Variants in SLC2A13 observed in about 807,000 individuals in gnomAD.
SLC2A13 encodes the protein solute carrier family 2 member 13, also known as proton myo-inositol cotransporter.
A neutral mutation model predicts 64.4 loss-of-function variants in SLC2A13; 32 were observed. The observed-to-expected ratio is 0.50, with a 90% CI of 0.37 to 0.67. The LOEUF (loss-of-function observed/expected upper bound fraction) is 0.67. SLC2A13 is among the 30% of genes least tolerant of loss of function. The pLI is 0.00. For missense variants in SLC2A13, 743 were observed against 829.2 expected (o/e 0.90, Z 1.28); for synonymous variants, 338 against 327.1 (o/e 1.03, Z -0.36).
At chr12:39,850,012 A>G (rs1236068901) in intron 6 of SLC2A13, among the ~76,000 whole-genome samples, 1 of 152,050 alleles carries the variant, frequency 6.6e-6, no homozygotes, top group Non-Finnish European at 1.5e-5. Context: ...ATTTTTCTTG[A>G]AAAGGCAACT....
At chr12:39,968,608 C>T (rs1041654907) in intron 3 of SLC2A13, among the ~76,000 whole-genome samples, 1 of 151,914 alleles carries the variant, frequency 6.6e-6, no homozygotes, top group African/African-American at 2.4e-5. Context: ...CCTTCCTTGC[C>T]TGCCAATCAA....
intron 4 of SLC2A13, among the ~76,000 whole-genome samples, chr12:39,916,933 C>T (rs1475391904): frequency 1.3e-5 from 2 of 152,058 alleles, no homozygotes; most frequent in Non-Finnish European, 2.9e-5. Context: ...AGCTTCAGTC[C>T]TTCTCTACCT....
chr12:40,088,074 T>C (rs909356871), intron 1 of SLC2A13, among the ~76,000 whole-genome samples: 7 of 152,188 alleles, frequency 4.6e-5, no homozygotes, highest in Non-Finnish European at 2.9e-5. Context: ...CAGTTTGTCT[T>C]ATGATTCTGT....
intron 4 of SLC2A13, among the ~76,000 whole-genome samples, chr12:39,905,825 A>AAAAG (rs1434279260): frequency 6.6e-6 from 1 of 151,484 alleles, no homozygotes; most frequent in Non-Finnish European, 1.5e-5. Flanking sequence ...ATGCCCAGAA[A>AAAAG]AAAAAAAAAA....
chr12:39,767,983 A>C lies in SLC2A13; in HGVS notation c.1446-3125T>G, dbSNP rs111396601. On this transcript the variant is annotated intron_variant, in intron 7 of 9. Transcript: ENST00000280871. ...TTTCCTTTATAAACTACCCAGTCTCAGGCAGTTATTTATAGCAGTGTGAGA... is the reference window on the plus strand; with the variant it reads ...TTTCCTTTATAAACTACCCAGTCTCCGGCAGTTATTTATAGCAGTGTGAGA... 5.2e-3 allele frequency among the ~76,000 whole-genome samples: 784 copies of C among 152,198 alleles called. 5 individuals carry two copies. Among genetic ancestry groups the C allele is most frequent in the African/African-American group, 0.017 (719 of 41,544 alleles).
At chr12:39,822,809 G>T (rs1203260927) in intron 7 of SLC2A13, among the ~76,000 whole-genome samples, 1 of 152,154 alleles carries the variant, frequency 6.6e-6, no homozygotes, top group African/African-American at 2.4e-5. Context: ...GAAAATGAAA[G>T]GTAGTTAAAT....
At chr12:39,786,794 C>T (rs1387079249) in intron 7 of SLC2A13, among the ~76,000 whole-genome samples, 1 of 152,170 alleles carries the variant, frequency 6.6e-6, no homozygotes, top group Non-Finnish European at 1.5e-5. Context: ...TTTAAATCCC[C>T]TCTCTCCTGT....
chr12:39,998,789 T>C (rs1229471450), intron 3 of SLC2A13, among the ~76,000 whole-genome samples: 2 of 152,126 alleles, frequency 1.3e-5, no homozygotes, highest in Admixed American at 6.5e-5. Flanking sequence ...CATGATTGGT[T>C]GTGAAATGTG....
At chr12:39,772,857 A>AT (rs1470530265) in intron 7 of SLC2A13, among the ~76,000 whole-genome samples, 1 of 99,658 alleles carries the variant, frequency 1.0e-5, no homozygotes, top group East Asian at 2.5e-4. Flanking sequence ...TGCAAAAAAA[A>AT]GGCCAAGTAG....
intron 4 of SLC2A13, among the ~76,000 whole-genome samples, chr12:39,944,374 A>G (rs1019772504): frequency 7.2e-5 from 11 of 152,236 alleles, no homozygotes; most frequent in Non-Finnish European, 1.6e-4. Context: ...GTTCCAAGGT[A>G]TAGTTTAAAT....
chr12:39,762,624 G>T (rs1940196551), intron 9 of SLC2A13, among the ~76,000 whole-genome samples: 1 of 151,984 alleles, frequency 6.6e-6, no homozygotes, highest in South Asian at 2.1e-4. Context: ...AAAAAAGGAG[G>T]CAACAAAGAA....
intron 1 of SLC2A13, among the ~76,000 whole-genome samples, chr12:40,062,532 T>G (rs1202732320): frequency 4.6e-5 from 7 of 152,072 alleles, no homozygotes; most frequent in Admixed American, 4.6e-4. Context: ...AAGAAGACGT[T>G]TGTAACTTAA....
At chr12:39,800,174 AT>A (rs1258186042) in intron 7 of SLC2A13, among the ~76,000 whole-genome samples, 2 of 152,206 alleles carry the variant, frequency 1.3e-5, no homozygotes, top group Non-Finnish European at 2.9e-5. Context: ...AATCCTTGGC[AT>A]TTTTGCAGAA....
intron 7 of SLC2A13, among the ~76,000 whole-genome samples, chr12:39,767,302 C>CTTT (rs112470893): frequency 4.5e-4 from 66 of 147,398 alleles, no homozygotes; most frequent in South Asian, 2.4e-3. Flanking sequence ...TGAAAGGAAT[C>CTTT]TTTTTTTTCT....
intron 4 of SLC2A13, among the ~76,000 whole-genome samples, chr12:39,928,243 C>T (rs12371119): frequency 0.082 from 12,471 of 152,048 alleles, 643 homozygotes; most frequent in Admixed American, 0.1. Flanking sequence ...ATAAGTTATG[C>T]TTTGGCCCAA....
chr12:39,792,439 A>G (rs1050489945), intron 7 of SLC2A13, among the ~76,000 whole-genome samples: 3 of 152,172 alleles, frequency 2.0e-5, no homozygotes, highest in Non-Finnish European at 4.4e-5. Context: ...TGAACAGGCA[A>G]CATTCTTTTG....
chr12:39,874,574 C>G (rs1017621260), intron 4 of SLC2A13, among the ~76,000 whole-genome samples: 26 of 147,622 alleles, frequency 1.8e-4, no homozygotes, highest in Middle Eastern at 3.5e-3. Flanking sequence ...AAGATCACAC[C>G]ATTGCACTCC....
At chr12:39,814,826 T>A (rs1942295159) in intron 7 of SLC2A13, among the ~76,000 whole-genome samples, 1 of 152,210 alleles carries the variant, frequency 6.6e-6, no homozygotes, top group South Asian at 2.1e-4. Context: ...TATGTCACAA[T>A]ATGCATTATC....
intron 7 of SLC2A13, among the ~76,000 whole-genome samples, chr12:39,795,509 G>T (rs1482821206): frequency 6.6e-6 from 1 of 152,100 alleles, no homozygotes; most frequent in Non-Finnish European, 1.5e-5. Flanking sequence ...TGATGACTGG[G>T]TGTTTCACTG....
Sources: allele counts gnomAD v4.1 joint callset (sites outside exome capture counted in the v4.1 genomes callset), GRCh38; gene constraint gnomAD v4.1.1; transcripts MANE v1.5; gene names NCBI Gene and HGNC (gene_info 2026-07-23, HGNC 2026-07-21).